The following DMD variants were observed in gnomAD, a reference collection of about 807,000 sequenced individuals.
DMD encodes mutant dystrophin.
In DMD, 63 loss-of-function variants were observed where a neutral mutation model predicts 330.1. The observed-to-expected ratio is 0.19, with a 90% CI of 0.16 to 0.24. DMD has a LOEUF of 0.24. Ranked by LOEUF, DMD falls within the 10% of genes least tolerant of loss-of-function variation. DMD has a pLI of 1.00. For synonymous variants in DMD, 1,223 were observed against 959.8 expected, an observed-to-expected ratio of 1.27 and a Z score of -5.07; for missense variants, 3,344 against 2,684.1, an observed-to-expected ratio of 1.25 and a Z score of -5.43.
At chrX:31,537,309 C>T (rs1489981123) in intron 55 of DMD, among the ~76,000 whole-genome samples, 1 of 111,745 alleles carries the variant, frequency 8.9e-6, no homozygotes. Context: ...GCAAATTTCC[C>T]TGTCTCCACT....
intron 47 of DMD, among the ~76,000 whole-genome samples, chrX:31,878,195 G>A (rs146892728): frequency 0.032 from 3,546 of 111,635 alleles, 53 homozygotes; most frequent in Middle Eastern, 0.059. Flanking sequence ...ATCATGAGAC[G>A]AAATTTTCAG....
chrX:31,397,368 C>T (rs752907936), intron 60 of DMD, among the ~76,000 whole-genome samples: 19 of 112,008 alleles, frequency 1.7e-4, no homozygotes, highest in Non-Finnish European at 3.2e-4. Context: ...CTGGGCATAT[C>T]CACTGACAAC....
Position 32,025,700 on chromosome X carries a change from T to G in DMD, c.6439-57186A>C, listed in dbSNP as rs1162443740. Among the ~76,000 whole-genome samples the G allele has an allele frequency of 2.7e-5, 3 of 112,130 alleles. No homozygotes were observed. The East Asian group carries it at 8.4e-4, about 31-fold the overall frequency. On this transcript the variant is annotated intron_variant, in intron 44 of 78. Transcript: ENST00000357033. The stretch of plus-strand genomic sequence containing the variant: ...TGGAGGAATTTATTTTCTTAAGTAC[T>G]TCTCTTAAAGTGTCTGCAATATGAT...
intron 44 of DMD, among the ~76,000 whole-genome samples, chrX:32,143,840 G>A (rs1213457585): frequency 2.7e-5 from 3 of 109,903 alleles, no homozygotes; most frequent in South Asian, 7.9e-4. Flanking sequence ...GTGAGCCACC[G>A]TGCCCGGCCA....
At chrX:32,937,269 C>T (rs762910341) in intron 2 of DMD, among the ~76,000 whole-genome samples, 1 of 110,054 alleles carries the variant, frequency 9.1e-6, no homozygotes, top group African/African-American at 3.3e-5. Context: ...CAGAGCTAAC[C>T]TGTGGAAATC....
intron 1 of DMD, chrX:33,128,277 G>T: frequency 9.0e-7 from 1 of 1,107,774 alleles, no homozygotes. Flanking sequence ...CCTGGAGGTA[G>T]AGTCATAGCC....
intron 25 of DMD, among the ~76,000 whole-genome samples, chrX:32,462,106 C>G (rs1008146972): frequency 1.8e-5 from 2 of 111,302 alleles, no homozygotes; most frequent in Non-Finnish European, 3.8e-5. Context: ...CAAAAAGGTA[C>G]AGTAGTTCCC....
rs185104698 is a variant in DMD at position 31,506,552 on chromosome X, T to C, written c.8390+729A>G. Among the ~76,000 whole-genome samples the C allele has an allele frequency of 6.1e-3, 692 of 112,587 alleles. 5 individuals carry two copies. The highest frequency in any genetic ancestry group is 0.021 in the African/African-American group (666 of 31,030). On this transcript the variant is annotated intron_variant, in intron 56 of 78. Coordinates refer to ENST00000357033, the MANE Select transcript of DMD (RefSeq NM_004006.3). ...ATGGGCGTTTTACTTACTATCTCTA[T>C]CCTTTTGTTCCTCCACGGAACTATT...
intron 29 of DMD, among the ~76,000 whole-genome samples, chrX:32,436,569 G>A (rs935836192): frequency 3.6e-5 from 4 of 111,539 alleles, no homozygotes; most frequent in Non-Finnish European, 7.5e-5. Context: ...GTTAATAAAG[G>A]ATTGCAATAT....
At chrX:33,013,277 T>C (rs989003818) in intron 2 of DMD, among the ~76,000 whole-genome samples, 7 of 111,393 alleles carry the variant, frequency 6.3e-5, no homozygotes, top group Non-Finnish European at 9.4e-5. Context: ...ACTAACCATA[T>C]ACATATAATT....
chrX:32,564,463 T>C (rs1490540079), intron 16 of DMD, among the ~76,000 whole-genome samples: 2 of 111,577 alleles, frequency 1.8e-5, no homozygotes, highest in Non-Finnish European at 3.8e-5. Context: ...ATTACATAAA[T>C]ACCAATGTAT....
chrX:32,762,573 C>T (rs2148393816), intron 7 of DMD, among the ~76,000 whole-genome samples: 1 of 111,599 alleles, frequency 9.0e-6, no homozygotes, highest in East Asian at 2.8e-4. Context: ...AGCTCTTTTA[C>T]ATATGGTAGA....
intron 62 of DMD, among the ~76,000 whole-genome samples, chrX:31,265,258 C>T (rs771426783): frequency 8.9e-6 from 1 of 112,303 alleles, no homozygotes; most frequent in Admixed American, 9.4e-5. Context: ...TCTAGAGGAA[C>T]CTTGGCATTT....
intron 55 of DMD, among the ~76,000 whole-genome samples, chrX:31,572,260 T>C (rs2075861491): frequency 1.8e-5 from 2 of 112,658 alleles, no homozygotes; most frequent in South Asian, 7.2e-4. Context: ...AAATTTAGTA[T>C]AGTAGAATCG....
chrX:32,366,699 G>C (rs779619109), intron 34 of DMD, among the ~76,000 whole-genome samples: 3 of 111,411 alleles, frequency 2.7e-5, no homozygotes, highest in Non-Finnish European at 3.8e-5. Flanking sequence ...CTGTCTTTCT[G>C]CCACGCCATA....
chrX:32,612,689 C>T (rs976834024), intron 12 of DMD, among the ~76,000 whole-genome samples: 3 of 111,334 alleles, frequency 2.7e-5, no homozygotes, highest in African/African-American at 9.8e-5. Flanking sequence ...AGCACTGTAC[C>T]TAACTTCTTC....
intron 62 of DMD, among the ~76,000 whole-genome samples, chrX:31,284,845 CACA>C (rs2053053938): frequency 9.3e-6 from 1 of 107,787 alleles, no homozygotes; most frequent in African/African-American, 3.4e-5. Context: ...CACACACACA[CACA>C]CACACACACA....
At chrX:32,266,372 G>A (rs1569554927) in intron 43 of DMD, among the ~76,000 whole-genome samples, 3 of 111,972 alleles carry the variant, frequency 2.7e-5, no homozygotes, top group African/African-American at 9.8e-5. Flanking sequence ...TCAGTCTTGG[G>A]CAGTTCTTTA....
chrX:31,474,918 C>A (rs2067640881), intron 59 of DMD, among the ~76,000 whole-genome samples: 1 of 109,470 alleles, frequency 9.1e-6, no homozygotes, highest in Non-Finnish European at 1.9e-5. Context: ...AAACTACTAC[C>A]CCCAAAGCTT....
Sources: gnomAD v4.1 joint callset for allele counts (sites outside exome capture counted in the v4.1 genomes callset) on GRCh38, gnomAD v4.1.1 for gene constraint, MANE v1.5 for transcripts, NCBI Gene and HGNC (gene_info 2026-07-23, HGNC 2026-07-21) for gene names.